Variants in DPY19L1 observed in about 807,000 individuals in gnomAD.
DPY19L1 encodes the protein dpy-19 like C-mannosyltransferase 1, also known as protein C-mannosyl-transferase DPY19L1.
A neutral mutation model predicts 96.9 loss-of-function variants in DPY19L1; 35 were observed. The observed-to-expected ratio is 0.36, with a 90% CI of 0.28 to 0.48. The LOEUF is 0.48. DPY19L1 is among the 20% of genes least tolerant of loss of function. DPY19L1 has a pLI of 0.99. For synonymous variants in DPY19L1, 205 were observed against 252.6 expected, an observed-to-expected ratio of 0.81 and a Z score of 1.79; for missense variants, 521 against 777.9, an observed-to-expected ratio of 0.67 and a Z score of 3.93.
At position 34,957,921 on chromosome 7, in the gene DPY19L1, G is replaced by A. The variant is rs1193158882; in HGVS notation, c.1179+63C>T. 1.4e-5 allele frequency: 15 copies of A among 1,091,288 alleles called. No homozygotes were observed. In the Admixed American group the frequency reaches 4.0e-4, roughly 29 times the overall value. The allele number at this position is 1,091,288 out of a possible 1,614,324, so 67.6% of individuals were successfully genotyped here. ...AAACCCTGATGAATCCTAAGCCAGT[G>A]AAGAAAAAATTGTTAAACCATTAGT... On this transcript the variant is annotated intron_variant, in intron 11 of 21. Transcript: ENST00000638088.
intron 10 of DPY19L1, among the ~76,000 whole-genome samples, chr7:34,965,712 C>T (rs192861302): frequency 6.6e-6 from 1 of 152,132 alleles, no homozygotes. Flanking sequence ...ATTATGACAA[C>T]TGTAAAATTA....
chr7:34,947,804 A>T, intron 14 of DPY19L1, 103 bp from the exon 15 acceptor site: 1 of 884,114 alleles, frequency 1.1e-6, no homozygotes, highest in Non-Finnish European at 1.8e-6. Flanking sequence ...GAGAAATATG[A>T]ACATTCACCA....
intron 6 of DPY19L1, among the ~76,000 whole-genome samples, chr7:35,007,299 A>G (rs1261745511): frequency 6.6e-6 from 1 of 152,218 alleles, no homozygotes; most frequent in Non-Finnish European, 1.5e-5. Flanking sequence ...GCCCACAAAC[A>G]CAAAAGGAAA....
At chr7:35,019,202 A>T (rs1408950305) in intron 1 of DPY19L1, among the ~76,000 whole-genome samples, 5 of 152,166 alleles carry the variant, frequency 3.3e-5, no homozygotes, top group Non-Finnish European at 7.4e-5. Context: ...CAATTTTCTT[A>T]TCTCACAAGA....
At chr7:34,950,568 CAAAGA>C (rs1784248491) in intron 13 of DPY19L1, among the ~76,000 whole-genome samples, 1 of 152,022 alleles carries the variant, frequency 6.6e-6, no homozygotes, top group South Asian at 2.1e-4. Flanking sequence ...AAGCAACAAC[CAAAGA>C]AAAGAGGAGA....
At position 35,011,287 on chromosome 7, in the gene DPY19L1, T is replaced by G. The variant is rs370266922; in HGVS notation, c.670+43A>C. The G allele has an allele frequency of 1.9e-6, 3 of 1,600,802 alleles. No individual in the cohort carries two copies. The Admixed American group carries it at 5.2e-5, about 28-fold the overall frequency. ...TTTATTATGCTAGATAAGTTTATTA[T>G]GTTACAACAGATAACTGGACAATAT... On this transcript the variant is annotated intron_variant, in intron 5 of 21. Transcript: ENST00000638088.
At chr7:35,013,745 C>T (rs764732561) in intron 3 of DPY19L1, 40 bp from the exon 4 acceptor site, 1 of 1,501,668 alleles carries the variant, frequency 6.7e-7, no homozygotes, top group Non-Finnish European at 9.1e-7. Context: ...ACAAAAGGTA[C>T]ATAATTATGA....
chr7:34,937,612 AAAAG>A (rs1168061176), intron 21 of DPY19L1, among the ~76,000 whole-genome samples: 3 of 152,202 alleles, frequency 2.0e-5, no homozygotes, highest in Middle Eastern at 3.2e-3. Flanking sequence ...TAAAGACTAT[AAAAG>A]AAAGTCTCCA....
chr7:35,026,337 T>C (rs577737394), intron 1 of DPY19L1, among the ~76,000 whole-genome samples: 2 of 152,208 alleles, frequency 1.3e-5, no homozygotes, highest in Non-Finnish European at 2.9e-5. Context: ...AGGTGATTCA[T>C]AGACACTTTA....
chr7:35,022,577 T>A (rs1451889189), intron 1 of DPY19L1, among the ~76,000 whole-genome samples: 1 of 152,204 alleles, frequency 6.6e-6, no homozygotes, highest in African/African-American at 2.4e-5. Flanking sequence ...GACTCTTGTT[T>A]AAACAAAACA....
Position 34,957,974 on chromosome 7 carries a change from G to C in DPY19L1, c.1179+10C>G, listed in dbSNP as rs1428151728. ...CAAAAACAGCCATATAAGTGTTAAG[G>C]AATACTTACCCAAATAATTACCAAA... On this transcript the variant is annotated intron_variant, in intron 11 of 21. Transcript: ENST00000638088. 6.5e-7 allele frequency: 1 copy of C among 1,537,300 alleles called. No individual in the cohort carries two copies. Among genetic ancestry groups the C allele is most frequent in the African/African-American group, 1.4e-5 (1 of 71,700 alleles).
rs1192191876 is a variant in DPY19L1, at chr7:34,930,558, GTT to G, written c.*1013_*1014del. ...CATTTTTGACAGCAAAATTAGTCAT[GTT>G]TTATTGTATCTTAATAGTAAAAGAA... On this transcript the variant is annotated 3_prime_UTR_variant, in exon 22 of 22. Transcript: ENST00000638088. 6.6e-6 allele frequency: 1 copy of G among 152,002 alleles called. No homozygotes were observed. Among genetic ancestry groups the G allele is most frequent in the Non-Finnish European group, 1.5e-5 (1 of 67,974 alleles). The allele number at this position is 152,002 out of a possible 1,614,324, so 9.4% of individuals were successfully genotyped here.
chr7:35,037,545 G>A, upstream of DPY19L1: 1 of 312,240 alleles, frequency 3.2e-6, no homozygotes, highest in Admixed American at 5.0e-5. Flanking sequence ...GCCGGGAGGC[G>A]GGGAGATCGT....
At chr7:34,980,737 G>A (rs970160290) in intron 7 of DPY19L1, among the ~76,000 whole-genome samples, 1 of 152,018 alleles carries the variant, frequency 6.6e-6, no homozygotes, top group African/African-American at 2.4e-5. Context: ...CCCATAATAA[G>A]GTACCATTTC....
chr7:35,012,169 C>T (rs1454098530), intron 4 of DPY19L1, among the ~76,000 whole-genome samples: 2 of 152,276 alleles, frequency 1.3e-5, no homozygotes, highest in South Asian at 2.1e-4. Flanking sequence ...ATCTGATGAC[C>T]GACTAGTCAA....
intron 1 of DPY19L1, among the ~76,000 whole-genome samples, chr7:35,023,452 G>A (rs1786042890): frequency 1.3e-5 from 2 of 152,202 alleles, no homozygotes; most frequent in Non-Finnish European, 2.9e-5. Context: ...CACAACTGCA[G>A]CCACCAAGGT....
intron 10 of DPY19L1, among the ~76,000 whole-genome samples, chr7:34,958,303 A>G (rs953009096): frequency 3.3e-5 from 5 of 152,220 alleles, no homozygotes; most frequent in African/African-American, 1.2e-4. Context: ...TATATTTTGT[A>G]AAACCACAAA....
intron 3 of DPY19L1, among the ~76,000 whole-genome samples, chr7:35,016,310 T>C (rs1584257414): frequency 6.6e-6 from 1 of 152,144 alleles, no homozygotes; most frequent in African/African-American, 2.4e-5. Context: ...ACAGGAAAGT[T>C]TACAAAATAT....
At chr7:34,941,968 C>A in intron 17 of DPY19L1, 84 bp from the exon 18 acceptor site, 3 of 1,390,620 alleles carry the variant, frequency 2.2e-6, no homozygotes, top group Non-Finnish European at 1.9e-6. Context: ...GAAAGGGGTA[C>A]GTTCTCCTTA....
Sources: gnomAD v4.1 joint callset for allele counts (sites outside exome capture counted in the v4.1 genomes callset) on GRCh38, gnomAD v4.1.1 for gene constraint, MANE v1.5 for transcripts, NCBI Gene and HGNC (gene_info 2026-07-23, HGNC 2026-07-21) for gene names.